The following AGRN variants were observed in gnomAD, a reference collection of about 807,000 sequenced individuals.
AGRN encodes the protein agrin.
A neutral mutation model predicts 211.0 loss-of-function variants in AGRN; 106 were observed. The observed-to-expected ratio is 0.50, with a 90% CI of 0.43 to 0.59. The LOEUF (loss-of-function observed/expected upper bound fraction) is 0.59, where lower values mean the gene tolerates loss of function less well. Ranked by LOEUF, AGRN falls within the 20% of genes least tolerant of loss-of-function variation. The pLI, the probability that AGRN is intolerant of heterozygous loss-of-function variation, is 0.00. For synonymous variants in AGRN, 1,525 were observed against 1,332.5 expected (o/e 1.14, Z -3.15); for missense variants, 3,040 against 2,982.6 (o/e 1.02, Z -0.45).
intron 3 of AGRN, among the ~76,000 whole-genome samples, chr1:1,039,954 C>T (rs1483726224): frequency 6.6e-6 from 1 of 152,170 alleles, no homozygotes; most frequent in Non-Finnish European, 1.5e-5. Context: ...GGAATTTGCA[C>T]TTCTCCAGGG....
chr1:1,046,330 C>T, intron 17 of AGRN, 65 bp downstream of exon 17: 2 of 1,608,622 alleles, frequency 1.2e-6, no homozygotes, highest in South Asian at 1.1e-5. Context: ...TAAATCCAGC[C>T]CCACCCGCCC....
At chr1:1,047,015 T>C (rs992129521) in intron 19 of AGRN, 58 bp downstream of exon 19, 16 of 1,549,162 alleles carry the variant, frequency 1.0e-5, no homozygotes, top group Non-Finnish European at 1.4e-5. Flanking sequence ...GCCGAGGTGC[T>C]GCCCCCTCGC....
chr1:1,020,423 CGG>C, intron 1 of AGRN, 50 bp downstream of exon 1: 1 of 1,469,318 alleles, frequency 6.8e-7, no homozygotes, highest in South Asian at 1.3e-5. Context: ...GCCGCCCCGC[CGG>C]GACCCCCGCC....
rs1645205240 is a variant in AGRN, at chr1:1,049,379, C to T, written c.4442C>T (p.Pro1481Leu). The change falls in exon 25 of 36, where the codon CCC (proline) becomes CTC (leucine). Residue 1481 changes from proline (P) to leucine (L), a missense_variant. By Grantham distance (98) the Pro-to-Leu change is moderately conservative. Transcript: ENST00000379370. ...DGETPVLGES[P>L]SGTDGLNLDT... ...GAGACCCCTGTTCTGGGCGAGAGTC[C>T]CAGTGGCACCGACGGCCTCAACCTG... is the stretch of plus-strand genomic sequence containing the variant. 1 of 1,598,808 alleles carries T rather than the reference C, an allele frequency of 6.3e-7. No individual in the cohort carries two copies. Among genetic ancestry groups the T allele is most frequent in the African/African-American group, 1.3e-5 (1 of 74,982 alleles).
At position 1,053,734 on chromosome 1, in the gene AGRN, C is replaced by G. The variant is rs929639282; in HGVS notation, c.5652-19C>G. On this transcript the variant is annotated intron_variant, in intron 33 of 35. Transcript: ENST00000379370. Reference sequence around the variant, plus strand: ...GTTGCCACCTTCCTAGAGGCCCTGACCTGCCCTCTGCCCTCCAGCGAGAAG... The same window carrying G: ...GTTGCCACCTTCCTAGAGGCCCTGAGCTGCCCTCTGCCCTCCAGCGAGAAG... 1.3e-6 allele frequency: 2 copies of G among 1,579,406 alleles called. No individual in the cohort carries two copies. The highest frequency in any genetic ancestry group is 2.7e-5 in the African/African-American group (2 of 74,456).
Position 1,045,999 on chromosome 1 carries a change from T to G in AGRN, c.2716T>G (p.Cys906Gly). 6.2e-7 allele frequency: 1 copy of G among 1,613,974 alleles called. No individual in the cohort carries two copies. The highest frequency in any genetic ancestry group is 8.5e-7 in the Non-Finnish European group (1 of 1,180,014). Residue 906 changes from cysteine to glycine, a missense_variant, in exon 16 of 36, where the codon TGT becomes GGT. Cys to Gly is a radical substitution (Grantham distance 159). Around this residue, in one of 3 missense-constraint regions of AGRN, gnomAD observed 1,498 missense variants for 1,457.8 expected, o/e 1.03. Coordinates refer to ENST00000379370, the MANE Select transcript of AGRN (RefSeq NM_198576.4). Reference protein sequence around the residue: ...SAPATCAEMRCEFGARCVEES... With the variant: ...SAPATCAEMRGEFGARCVEES... Reference sequence around the variant, plus strand: ...GCCTGCGACCTGTGCGGAGATGCGCTGTGAGTTCGGTGCGCGGTGCGTGGA... The same window carrying G: ...GCCTGCGACCTGTGCGGAGATGCGCGGTGAGTTCGGTGCGCGGTGCGTGGA...
At chr1:1,033,436 G>A (rs1378723744) in intron 2 of AGRN, among the ~76,000 whole-genome samples, 2 of 150,726 alleles carry the variant, frequency 1.3e-5, no homozygotes, top group Non-Finnish European at 3.0e-5. Flanking sequence ...TCACCCCCGC[G>A]GGTGCGGGGC....
Position 1,049,420 on chromosome 1 carries a change from G to T in AGRN, c.4483G>T (p.Val1495Leu), listed in dbSNP as rs781321119. 6.3e-7 allele frequency: 1 copy of T among 1,599,260 alleles called. No individual in the cohort carries two copies. The highest frequency in any genetic ancestry group is 8.5e-7 in the Non-Finnish European group (1 of 1,179,744). Residue 1495 changes from valine (V) to leucine (L), a missense_variant, in exon 25 of 36, where the codon GTG becomes TTG. Val to Leu is a conservative substitution (Grantham distance 32, BLOSUM62 1). This residue lies in a region of AGRN where 1,537 missense variants were observed against 1,505.0 expected (regional missense o/e 1.02). Transcript: ENST00000379370. Reference sequence around the variant, plus strand: ...CCTCAACCTGGACACAGACCTCTTTGTGGGCGGCGTACCCGAGGACCAGGC... The same window carrying T: ...CCTCAACCTGGACACAGACCTCTTTTTGGGCGGCGTACCCGAGGACCAGGC... Reference protein sequence around the residue: ...DGLNLDTDLFVGGVPEDQAAV... With the variant: ...DGLNLDTDLFLGGVPEDQAAV...
intron 12 of AGRN, among the ~76,000 whole-genome samples, 160 bp from the exon 13 acceptor site, chr1:1,045,001 G>A (rs1350673970): frequency 4.6e-5 from 7 of 152,206 alleles, no homozygotes; most frequent in Non-Finnish European, 8.8e-5. Context: ...AGATGTGGGA[G>A]CCTCACCTGT....
In AGRN at chr1:1,045,415, G is replaced by A; in HGVS notation, c.2428G>A (p.Gly810Ser). Residue 810 changes from glycine (G) to serine (S), a missense_variant, in exon 14 of 36, where the codon GGC (glycine) becomes AGC (serine). Gly to Ser is a moderately conservative substitution (Grantham distance 56, BLOSUM62 0). Around this residue, in one of 3 missense-constraint regions of AGRN, gnomAD observed 1,498 missense variants for 1,457.8 expected, o/e 1.03. Coordinates refer to ENST00000379370, the MANE Select transcript of AGRN (RefSeq NM_198576.4). ...SYGGTCDPAT[G>S]QCSCRPGVGG... Reference sequence around the variant, plus strand: ...CGGCGGCACCTGTGACCCAGCCACAGGCCAGTGCTCCTGCCGCCCAGGTGT... The same window carrying A: ...CGGCGGCACCTGTGACCCAGCCACAAGCCAGTGCTCCTGCCGCCCAGGTGT... 1 of 1,612,078 alleles carries A rather than the reference G, an allele frequency of 6.2e-7. No homozygotes were observed. The highest frequency in any genetic ancestry group is 8.5e-7 in the Non-Finnish European group (1 of 1,179,776).
chr1:1,039,176 C>T (rs1644869019), intron 3 of AGRN, among the ~76,000 whole-genome samples: 1 of 152,066 alleles, frequency 6.6e-6, no homozygotes, highest in South Asian at 2.1e-4. Flanking sequence ...GCTGTAAGAC[C>T]TGAGGTGGGA....
In AGRN at chr1:1,048,779, AAAAAAAAAAAG is replaced by A; in HGVS notation, c.4106-87_4106-77del. The A allele has an allele frequency of 4.7e-6, 3 of 638,786 alleles. No individual in the cohort carries two copies. Among genetic ancestry groups the A allele is most frequent in the South Asian group, 6.9e-5 (2 of 29,018 alleles). 39.6% of individuals were successfully genotyped at this position (638,786 alleles called of 1,614,324 possible). A position where few individuals can be genotyped will look rare whatever the true frequency, so the allele number is the denominator to read the frequency against. ...CAAAACTCCGTCTCAAAAAAAAAAA[AAAAAAAAAAAG>A]CAGGGGGCGGTTTCAGGGATAAAAG... is the stretch of plus-strand genomic sequence containing the variant. On this transcript the variant is annotated intron_variant, in intron 23 of 35. Coordinates refer to ENST00000379370, the MANE Select transcript of AGRN (RefSeq NM_198576.4). The surrounding 1 kb of genome is among the most constrained non-coding windows in gnomAD (Gnocchi z 5.9).
Position 1,049,063 on chromosome 1 carries a change from G to T in AGRN, c.4298+4G>T. ...TAGATGGCCGCGTGCAGCTCAGGTG[G>T]GCGGGGAGGGGACGGGGCCGGGGCA... On this transcript the variant is annotated splice_donor_region_variant and intron_variant, in intron 24 of 35. Transcript: ENST00000379370. 1.3e-6 allele frequency: 2 copies of T among 1,537,974 alleles called. No homozygotes were observed.
rs200116641 is a variant in AGRN, at chr1:1,031,087, T to TTGTGTG, written c.464-4179_464-4174dup. ...GCAGTGCATGGTGCTGTGAGTGTGA[T>TTGTGTG]TGTGTGTGTGTGTGTGCGGTGCATG... On this transcript the variant is annotated intron_variant, in intron 2 of 35. Coordinates refer to ENST00000379370, the MANE Select transcript of AGRN (RefSeq NM_198576.4). This position sits in a 1 kb window ranked among gnomAD's most constrained non-coding sequence, Gnocchi z 4.8. Among the ~76,000 whole-genome samples, 1 of 64,468 alleles carries TTGTGTG rather than the reference T, an allele frequency of 1.6e-5. No individual in the cohort carries two copies. The highest frequency in any genetic ancestry group is 3.1e-5 in the Non-Finnish European group (1 of 32,768). 42.3% of individuals were successfully genotyped at this position (64,468 alleles called of 152,430 possible). A position where few individuals can be genotyped will look rare whatever the true frequency, so the allele number is the denominator to read the frequency against.
At chr1:1,054,127 C>A in intron 34 of AGRN, 150 bp downstream of exon 34, 1 of 879,006 alleles carries the variant, frequency 1.1e-6, no homozygotes. Context: ...GGAGGAAGGG[C>A]CAAGAAGATG....
intron 2 of AGRN, among the ~76,000 whole-genome samples, chr1:1,023,259 T>G (rs1644450176): frequency 6.6e-6 from 1 of 152,196 alleles, no homozygotes; most frequent in African/African-American, 2.4e-5. Flanking sequence ...CAGGAAACTT[T>G]GCTGCCCTGA....
intron 1 of AGRN, 67 bp from the exon 2 acceptor site, chr1:1,022,134 T>C (rs1644419180): frequency 5.6e-6 from 9 of 1,600,054 alleles, no homozygotes; most frequent in Non-Finnish European, 7.7e-6. Flanking sequence ...CCTAAACACC[T>C]AAAGCCCCCA....
intron 3 of AGRN, among the ~76,000 whole-genome samples, chr1:1,037,940 T>C (rs1334826108): frequency 1.3e-5 from 2 of 151,914 alleles, no homozygotes; most frequent in Non-Finnish European, 2.9e-5. Context: ...GCCTCTATGA[T>C]CCCCTAGGCC....
chr1:1,029,416 A>AGTGTCTATGCAGGCAGGTGGGGGGGG (rs1644599649), intron 2 of AGRN, among the ~76,000 whole-genome samples: 1 of 59,530 alleles, frequency 1.7e-5, no homozygotes, highest in African/African-American at 5.4e-5. Context: ...GGTGGGGGGG[A>AGTGTCTATGCAGGCAGGTGGGGGGGG]CATCAGTGTC....
Sources: allele counts gnomAD v4.1 joint callset (sites outside exome capture counted in the v4.1 genomes callset), GRCh38; gene constraint gnomAD v4.1.1; regional missense constraint gnomAD v4.1.1; non-coding constraint Gnocchi (gnomAD v3.1); transcripts MANE v1.5; gene names NCBI Gene and HGNC (gene_info 2026-07-23, HGNC 2026-07-21).